Variants in TG observed in about 807,000 individuals in gnomAD.
TG encodes the protein thyroid hormones.
Under a neutral mutation model 324.7 loss-of-function variants are expected in TG, and 270 were observed. The observed-to-expected ratio is 0.83, with a 90% CI of 0.75 to 0.92. TG has a LOEUF of 0.92. Ranked by LOEUF, TG falls within the 40% of genes least tolerant of loss-of-function variation. The probability of loss-of-function intolerance (pLI) is 0.00; values close to 1 mark genes in which losing one functional copy is unlikely to be tolerated. For missense variants in TG, 3,591 were observed against 3,456.4 expected, an observed-to-expected ratio of 1.04 and a Z score of -0.98; for synonymous variants, 1,401 against 1,327.0, an observed-to-expected ratio of 1.06 and a Z score of -1.21.
At chr8:132,918,262 C>T (rs191388169) in intron 20 of TG, among the ~76,000 whole-genome samples, 10 of 152,218 alleles carry the variant, frequency 6.6e-5, no homozygotes, top group African/African-American at 1.2e-4. Context: ...GCTAGTTGCC[C>T]GCACCTAGGC....
intron 35 of TG, among the ~76,000 whole-genome samples, chr8:133,011,384 G>A (rs965825049): frequency 6.7e-6 from 1 of 148,214 alleles, no homozygotes; most frequent in Non-Finnish European, 1.5e-5. Flanking sequence ...TTGGGGAAAT[G>A]AGAGCCTTGG....
intron 43 of TG, among the ~76,000 whole-genome samples, chr8:133,109,501 T>C (rs1051127795): frequency 1.3e-5 from 2 of 152,160 alleles, no homozygotes; most frequent in African/African-American, 4.8e-5. Flanking sequence ...ATTTTGGTAA[T>C]ATTTCAGCAG....
At chr8:132,918,569 C>G (rs947354469) in intron 20 of TG, among the ~76,000 whole-genome samples, 46 of 152,200 alleles carry the variant, frequency 3.0e-4, no homozygotes, top group African/African-American at 9.7e-4. Flanking sequence ...TCAACATTGG[C>G]TCCATCTCAG....
rs1554706053 is a variant in TG at position 133,039,953 on chromosome 8, G to GCGCA, written c.7239+9931_7239+9932insGCAC. 9.8e-6 allele frequency: 14 copies of GCGCA among 1,434,338 alleles called. No homozygotes were observed. In the Admixed American group the frequency reaches 2.4e-4, roughly 25 times the overall value. 88.9% of individuals were successfully genotyped at this position (1,434,338 alleles called of 1,614,324 possible). ...TCACATGTTCACAGAGCACTTGCAT[G>GCGCA]CACACACACACACACACACACACAC... On this transcript the variant is annotated intron_variant, in intron 41 of 47. Coordinates refer to ENST00000220616, the MANE Select transcript of TG (RefSeq NM_003235.5).
At chr8:133,126,912 A>T (rs1219391059) in intron 45 of TG, among the ~76,000 whole-genome samples, 1 of 151,820 alleles carries the variant, frequency 6.6e-6, no homozygotes, top group African/African-American at 2.4e-5. Flanking sequence ...GGCTGGGGAT[A>T]AAAAAAAGGG....
At chr8:132,957,719 TC>T (rs1380506850) in intron 27 of TG, among the ~76,000 whole-genome samples, 3 of 125,782 alleles carry the variant, frequency 2.4e-5, no homozygotes, top group Non-Finnish European at 5.0e-5. Flanking sequence ...TAACCCAAAT[TC>T]CCCAGTGATT....
intron 14 of TG, 148 bp downstream of exon 14, chr8:132,899,058 T>C (rs1325143938): frequency 1.3e-6 from 1 of 741,512 alleles, no homozygotes; most frequent in African/African-American, 1.7e-5. Flanking sequence ...TAGAACCTGG[T>C]TCTGTGACCT....
intron 35 of TG, among the ~76,000 whole-genome samples, chr8:132,996,289 A>G (rs560655750): frequency 6.6e-6 from 1 of 152,332 alleles, no homozygotes; most frequent in East Asian, 1.9e-4. Context: ...TTTGCTTCCT[A>G]TGTGACTAAT....
chr8:133,045,251 C>T (rs923906580), intron 41 of TG: 2 of 783,962 alleles, frequency 2.6e-6, no homozygotes, highest in African/African-American at 1.7e-5. Context: ...GATGCAGCCC[C>T]TCCCTCCACT....
chr8:132,930,994 A>G (rs562274085), intron 23 of TG, among the ~76,000 whole-genome samples: 15 of 152,176 alleles, frequency 9.9e-5, no homozygotes, highest in Non-Finnish European at 1.9e-4. Context: ...GCACTGTGTT[A>G]GTCTGTTTGG....
intron 44 of TG, among the ~76,000 whole-genome samples, chr8:133,114,691 A>G (rs1164869830): frequency 6.6e-6 from 1 of 152,118 alleles, no homozygotes; most frequent in Non-Finnish European, 1.5e-5. Flanking sequence ...TGCTTTTTAC[A>G]TTCTGTGCCT....
intron 16 of TG, among the ~76,000 whole-genome samples, chr8:132,901,912 CT>C (rs2132292979): frequency 6.6e-6 from 1 of 152,230 alleles, no homozygotes; most frequent in East Asian, 1.9e-4. Context: ...CACTGAGGCA[CT>C]TCAGGAATTT....
chr8:133,042,342 A>G (rs1838418698), intron 41 of TG, among the ~76,000 whole-genome samples: 1 of 152,080 alleles, frequency 6.6e-6, no homozygotes, highest in African/African-American at 2.4e-5. Context: ...CAACAGCTCT[A>G]TATTGAAGGG....
intron 22 of TG, among the ~76,000 whole-genome samples, chr8:132,927,751 C>T (rs1822088603): frequency 6.6e-6 from 1 of 152,166 alleles, no homozygotes; most frequent in African/African-American, 2.4e-5. Flanking sequence ...ACTGAAAGAC[C>T]TTTCAAATTG....
At chr8:133,084,343 T>C (rs1334628481) in intron 41 of TG, among the ~76,000 whole-genome samples, 2 of 152,196 alleles carry the variant, frequency 1.3e-5, no homozygotes, top group Non-Finnish European at 2.9e-5. Flanking sequence ...TTACAAGTTA[T>C]AATGATGAAA....
Position 133,095,123 on chromosome 8 carries a change from T to C in TG, c.7319T>C (p.Val2440Ala). 1 of 1,614,038 alleles carries C rather than the reference T, an allele frequency of 6.2e-7. No homozygotes were observed. The highest frequency in any genetic ancestry group is 8.5e-7 in the Non-Finnish European group (1 of 1,180,016). Reference sequence around the variant, plus strand: ...CAGGCAATTGCTTTGGCAAAGGAGGTCAGTTGCCCCATGTCATCCAGCCAA... The same window carrying C: ...CAGGCAATTGCTTTGGCAAAGGAGGCCAGTTGCCCCATGTCATCCAGCCAA... ...QQQAIALAKE[V>A]SCPMSSSQEV... The change falls in exon 42 of 48, where the codon GTC (valine) becomes GCC (alanine). Residue 2440 changes from valine (V) to alanine (A), a missense_variant. Coordinates refer to ENST00000220616, the MANE Select transcript of TG (RefSeq NM_003235.5).
At chr8:133,043,779 A>G (rs1278798264) in intron 41 of TG, among the ~76,000 whole-genome samples, 3 of 152,344 alleles carry the variant, frequency 2.0e-5, no homozygotes, top group Non-Finnish European at 4.4e-5. Flanking sequence ...TTGCTTGCTC[A>G]GTTCAAGAGC....
Position 132,933,605 on chromosome 8 carries a change from A to T in TG, c.4861A>T (p.Thr1621Ser). The change falls in exon 24 of 48, where the codon ACG (threonine) becomes TCG (serine). Residue 1621 changes from threonine to serine, a missense_variant. Thr to Ser is a moderately conservative substitution (Grantham distance 58, BLOSUM62 1). Coordinates refer to ENST00000220616, the MANE Select transcript of TG (RefSeq NM_003235.5). ...CTGCAGCTTCTTCACCGTGTCCACG[A>T]CGGAGCCAGAGATTTCCTGTGATTT... ...EACSFFTVST[T>S]EPEISCDFYA... 1 of 1,614,138 alleles carries T rather than the reference A, an allele frequency of 6.2e-7. No individual in the cohort carries two copies. Among genetic ancestry groups the T allele is most frequent in the Non-Finnish European group, 8.5e-7 (1 of 1,180,022 alleles).
intron 44 of TG, among the ~76,000 whole-genome samples, chr8:133,114,233 C>T (rs1291324927): frequency 6.6e-6 from 1 of 152,168 alleles, no homozygotes; most frequent in Non-Finnish European, 1.5e-5. Flanking sequence ...CTCTCTGGGG[C>T]CCGCTGTTTC....
Sources: gnomAD v4.1 joint callset for allele counts (sites outside exome capture counted in the v4.1 genomes callset) on GRCh38, gnomAD v4.1.1 for gene constraint, MANE v1.5 for transcripts, NCBI Gene and HGNC (gene_info 2026-07-23, HGNC 2026-07-21) for gene names.